Variants in TAOK3 observed in about 807,000 individuals in gnomAD.
TAOK3 encodes the protein TAO kinase 3, also known as serine/threonine-protein kinase TAO3.
In TAOK3, 40 loss-of-function variants were observed where a neutral mutation model predicts 120.4. The ratio of observed to expected loss-of-function variants is 0.33; its 90% confidence interval spans 0.26 to 0.43. The LOEUF is 0.43. Among genes scored for constraint, TAOK3 ranks in the 20% least tolerant of loss-of-function variants. TAOK3 has a pLI of 1.00. For missense variants in TAOK3, 821 were observed against 1,112.1 expected (o/e 0.74, Z 3.72); for synonymous variants, 355 against 387.5 (o/e 0.92, Z 0.99).
intron 11 of TAOK3, among the ~76,000 whole-genome samples, chr12:118,207,159 T>G (rs903346271): frequency 1.2e-4 from 18 of 151,576 alleles, no homozygotes; most frequent in Non-Finnish European, 1.5e-5. Context: ...AAACCCTGTC[T>G]CTACTAAAAA....
At chr12:118,153,589 G>C (rs1362076214) in intron 19 of TAOK3, among the ~76,000 whole-genome samples, 1 of 152,154 alleles carries the variant, frequency 6.6e-6, no homozygotes, top group East Asian at 1.9e-4. Flanking sequence ...ACCATCAGCA[G>C]GACAGTGTTT....
At chr12:118,246,004 T>C (rs2040475039) in intron 3 of TAOK3, 1 of 603,098 alleles carries the variant, frequency 1.7e-6, no homozygotes, top group Non-Finnish European at 2.8e-6. Flanking sequence ...TAGAATCCAA[T>C]TTTTGCAAAA....
chr12:118,160,041 T>C lies in TAOK3; in HGVS notation c.2352+105A>G. ...AGTCCTTTGGGCAGAAAAACATCAA[T>C]ATCCTAAATTTGTGCAAGAATCATC... On this transcript the variant is annotated intron_variant, in intron 19 of 20. Transcript: ENST00000392533. The surrounding 1 kb of genome is among the most constrained non-coding windows in gnomAD (Gnocchi z 4.2). 2 of 978,312 alleles carry C rather than the reference T, an allele frequency of 2.0e-6. No homozygotes were observed. The highest frequency in any genetic ancestry group is 3.2e-6 in the Non-Finnish European group (2 of 625,750). The allele number at this position is 978,312 out of a possible 1,614,324, so 60.6% of individuals were successfully genotyped here.
At chr12:118,199,836 C>T (rs2037932603) in intron 12 of TAOK3, 2 of 156,584 alleles carry the variant, frequency 1.3e-5, no homozygotes, top group East Asian at 1.9e-4. Context: ...ATGCTTATCT[C>T]TGTAATCTTA....
At chr12:118,178,941 G>A (rs906056008) in intron 15 of TAOK3, among the ~76,000 whole-genome samples, 2 of 152,126 alleles carry the variant, frequency 1.3e-5, no homozygotes, top group Non-Finnish European at 2.9e-5. Context: ...AGATAGAGGG[G>A]GAATTATGCT....
chr12:118,282,733 T>C (rs539701282), intron 1 of TAOK3, among the ~76,000 whole-genome samples: 9 of 152,146 alleles, frequency 5.9e-5, no homozygotes, highest in Non-Finnish European at 1.0e-4. Context: ...TGGACTCTTA[T>C]CATCTTCACA....
intron 1 of TAOK3, among the ~76,000 whole-genome samples, chr12:118,280,615 T>C (rs953771987): frequency 2.6e-5 from 4 of 152,202 alleles, no homozygotes; most frequent in African/African-American, 9.7e-5. Flanking sequence ...GTTTGAAGTC[T>C]CGTAACAGGT....
intron 1 of TAOK3, among the ~76,000 whole-genome samples, chr12:118,308,417 ATT>A (rs2043132540): frequency 6.6e-6 from 1 of 152,176 alleles, no homozygotes; most frequent in Non-Finnish European, 1.5e-5. Flanking sequence ...TAAAAAAAAA[ATT>A]AAACATTTAC....
At chr12:118,166,814 G>GTGTGTGTA (rs1555210445) in intron 17 of TAOK3, among the ~76,000 whole-genome samples, 1 of 138,982 alleles carries the variant, frequency 7.2e-6, no homozygotes. Context: ...GTGTGTGTGT[G>GTGTGTGTA]TATATATATA....
At chr12:118,209,567 A>G (rs2038513374) in intron 11 of TAOK3, among the ~76,000 whole-genome samples, 1 of 151,904 alleles carries the variant, frequency 6.6e-6, no homozygotes. Flanking sequence ...CCTGGCTAAT[A>G]CTTATATTTT....
chr12:118,196,000 A>G (rs753302365), intron 13 of TAOK3, among the ~76,000 whole-genome samples: 16 of 152,076 alleles, frequency 1.1e-4, no homozygotes, highest in Non-Finnish European at 2.1e-4. Context: ...CAGTGAACTG[A>G]GATCGCGCCA....
At chr12:118,178,860 C>T (rs1190031417) in intron 15 of TAOK3, among the ~76,000 whole-genome samples, 1 of 152,190 alleles carries the variant, frequency 6.6e-6, no homozygotes, top group Non-Finnish European at 1.5e-5. Context: ...TAAATACTGG[C>T]TCCTGAAAGT....
At chr12:118,202,022 A>G (rs1294601540) in intron 11 of TAOK3, among the ~76,000 whole-genome samples, 1 of 151,960 alleles carries the variant, frequency 6.6e-6, no homozygotes, top group East Asian at 1.9e-4. Flanking sequence ...TACTTTCCAC[A>G]TGTAAGTGAC....
chr12:118,349,309 T>A (rs2045030270), intron 1 of TAOK3, among the ~76,000 whole-genome samples: 2 of 152,230 alleles, frequency 1.3e-5, no homozygotes, highest in African/African-American at 4.8e-5. Context: ...AAAACTTGTA[T>A]ATTTACTGTC....
chr12:118,305,240 G>A (rs1465266343), intron 1 of TAOK3, among the ~76,000 whole-genome samples: 1 of 152,064 alleles, frequency 6.6e-6, no homozygotes, highest in Non-Finnish European at 1.5e-5. Context: ...CAACACTTTC[G>A]GAGGCTGAGG....
chr12:118,317,265 C>CAAA (rs970730677), intron 1 of TAOK3, among the ~76,000 whole-genome samples: 1,235 of 63,584 alleles, frequency 0.019, 43 homozygotes, highest in African/African-American at 0.062. Flanking sequence ...AAGTTTGTCT[C>CAAA]AAAAAAAAAA....
At chr12:118,335,547 C>T (rs1219142349) in intron 1 of TAOK3, among the ~76,000 whole-genome samples, 1 of 151,804 alleles carries the variant, frequency 6.6e-6, no homozygotes, top group Non-Finnish European at 1.5e-5. Flanking sequence ...AGAATTAACA[C>T]AGCCAGGCAT....
intron 19 of TAOK3, 46 bp from the exon 20 acceptor site, chr12:118,152,455 C>T (rs1463227649): frequency 6.5e-7 from 1 of 1,546,022 alleles, no homozygotes; most frequent in Admixed American, 1.8e-5. Flanking sequence ...TTGCCTACAG[C>T]CCTTGGTGGC....
intron 13 of TAOK3, among the ~76,000 whole-genome samples, chr12:118,196,352 C>T (rs1774195099): frequency 6.6e-6 from 1 of 151,880 alleles, no homozygotes; most frequent in African/African-American, 2.4e-5. Flanking sequence ...TTTTTAAGGT[C>T]CTTCTTTGAA....
Sources: allele counts gnomAD v4.1 joint callset (sites outside exome capture counted in the v4.1 genomes callset), GRCh38; gene constraint gnomAD v4.1.1; non-coding constraint Gnocchi (gnomAD v3.1); transcripts MANE v1.5; gene names NCBI Gene and HGNC (gene_info 2026-07-23, HGNC 2026-07-21).